The following CEP112 variants were observed in gnomAD, a reference collection of about 807,000 sequenced individuals.
The protein encoded by CEP112 is centrosomal protein 112.
A neutral mutation model predicts 153.0 loss-of-function variants in CEP112; 127 were observed. The ratio of observed to expected loss-of-function variants is 0.83; its 90% CI spans 0.72 to 0.96. The LOEUF is 0.96. CEP112 is among the 40% of genes least tolerant of loss of function. CEP112 has a pLI of 0.00. For synonymous variants in CEP112, 358 were observed against 374.4 expected, an observed-to-expected ratio of 0.96 and a Z score of 0.51; for missense variants, 1,089 against 1,101.2, an observed-to-expected ratio of 0.99 and a Z score of 0.16.
chr17:65,637,320 A>G, intron 25 of CEP112, 132 bp from the exon 26 acceptor site: 1 of 686,652 alleles, frequency 1.5e-6, no homozygotes, highest in South Asian at 1.8e-5. Flanking sequence ...TTGAATGTCA[A>G]TGTTGTGTTT....
chr17:65,874,567 T>G (rs1393369632), intron 20 of CEP112, among the ~76,000 whole-genome samples: 2 of 152,146 alleles, frequency 1.3e-5, no homozygotes, highest in Non-Finnish European at 2.9e-5. Flanking sequence ...ATTTTCTCTC[T>G]GAAATAATGT....
rs770426567 is a variant in CEP112, at chr17:65,786,838, C to T, written c.2395-36114G>A. ...TAGGCTCAAGTGATCCGCCTGCCTT[C>T]GTCTCCCTAAGTGCTGGGATTATAA... On this transcript the variant is annotated intron_variant, in intron 21 of 26. Transcript: ENST00000535342. Among the ~76,000 whole-genome samples the T allele has an allele frequency of 7.2e-5, 11 of 152,172 alleles. No individual in the cohort carries two copies. In the South Asian group the frequency reaches 1.0e-3, roughly 14 times the overall value.
chr17:65,645,032 T>TC (rs2045359034), intron 24 of CEP112, among the ~76,000 whole-genome samples: 1 of 151,974 alleles, frequency 6.6e-6, no homozygotes, highest in African/African-American at 2.4e-5. Context: ...CCTGAGACAT[T>TC]GTGTGCCCTT....
intron 24 of CEP112, among the ~76,000 whole-genome samples, chr17:65,667,069 G>A (rs1201120606): frequency 6.6e-6 from 1 of 152,206 alleles, no homozygotes; most frequent in African/African-American, 2.4e-5. Flanking sequence ...CAGGGAGGGT[G>A]GAGGAAATGA....
At chr17:65,786,292 A>AT (rs1236321475) in intron 21 of CEP112, among the ~76,000 whole-genome samples, 2 of 150,466 alleles carry the variant, frequency 1.3e-5, no homozygotes, top group East Asian at 3.9e-4. Context: ...GTAAACTCTT[A>AT]TTTTTCAAAC....
chr17:66,086,442 C>CT (rs2067938634), intron 8 of CEP112, among the ~76,000 whole-genome samples: 1 of 114,104 alleles, frequency 8.8e-6, no homozygotes, highest in Admixed American at 1.3e-4. Flanking sequence ...CTTGTGCTGT[C>CT]ACCCAGGCTG....
intron 8 of CEP112, among the ~76,000 whole-genome samples, chr17:66,085,154 TAA>T (rs1225076449): frequency 6.6e-6 from 1 of 152,192 alleles, no homozygotes; most frequent in Non-Finnish European, 1.5e-5. Context: ...AATGTTAACT[TAA>T]ATAGACATAA....
At chr17:65,817,562 T>G (rs1568060223) in intron 21 of CEP112, among the ~76,000 whole-genome samples, 1 of 151,928 alleles carries the variant, frequency 6.6e-6, no homozygotes, top group Admixed American at 6.6e-5. Flanking sequence ...CTGTCCTATT[T>G]ATTTCTAGCT....
At chr17:65,971,177 TGTACAGCAC>T (rs2062763760) in intron 17 of CEP112, among the ~76,000 whole-genome samples, 2 of 151,970 alleles carry the variant, frequency 1.3e-5, no homozygotes, top group East Asian at 3.9e-4. Flanking sequence ...GTACAGCACA[TGTACAGCAC>T]ATGCATATCA....
chr17:66,094,583 C>T (rs1350161735), intron 8 of CEP112, among the ~76,000 whole-genome samples: 2 of 151,954 alleles, frequency 1.3e-5, no homozygotes, highest in Non-Finnish European at 2.9e-5. Flanking sequence ...CATGACATTG[C>T]TCTGGGCAAT....
intron 17 of CEP112, among the ~76,000 whole-genome samples, chr17:65,976,110 C>A (rs1303941207): frequency 6.6e-6 from 1 of 152,248 alleles, no homozygotes; most frequent in East Asian, 1.9e-4. Flanking sequence ...AGTGTGAACA[C>A]AGTGTTCAGC....
chr17:65,841,643 A>G (rs567366612), intron 21 of CEP112, among the ~76,000 whole-genome samples: 5 of 152,222 alleles, frequency 3.3e-5, no homozygotes, highest in African/African-American at 1.2e-4. Context: ...CTAGAAAAAA[A>G]GATTTGAAAT....
At chr17:66,151,164 A>G (rs2071194796) in intron 4 of CEP112, among the ~76,000 whole-genome samples, 1 of 152,082 alleles carries the variant, frequency 6.6e-6, no homozygotes, top group Admixed American at 6.6e-5. Context: ...TTTGGCTTCC[A>G]GTGTTGAGTT....
chr17:65,933,757 T>TA (rs1172676123), intron 18 of CEP112, among the ~76,000 whole-genome samples: 3 of 152,134 alleles, frequency 2.0e-5, no homozygotes, highest in Non-Finnish European at 4.4e-5. Context: ...CATATGAAAG[T>TA]AAAAAACTCA....
At chr17:66,173,685 T>A (rs1038355797) in intron 4 of CEP112, among the ~76,000 whole-genome samples, 10 of 152,208 alleles carry the variant, frequency 6.6e-5, no homozygotes, top group African/African-American at 2.4e-4. Flanking sequence ...TATACCTCCA[T>A]ATAAAAAGAT....
intron 4 of CEP112, among the ~76,000 whole-genome samples, chr17:66,174,129 C>T (rs1598493970): frequency 6.6e-6 from 1 of 152,002 alleles, no homozygotes; most frequent in East Asian, 1.9e-4. Context: ...GGGGTTTCAC[C>T]ATGTTAGCCA....
At chr17:65,749,749 G>A (rs2051700908) in intron 22 of CEP112, among the ~76,000 whole-genome samples, 1 of 63,814 alleles carries the variant, frequency 1.6e-5, no homozygotes. Flanking sequence ...AACATGGTTA[G>A]TGCCCCATGA....
chr17:65,857,154 T>C (rs1234370269), intron 20 of CEP112, among the ~76,000 whole-genome samples: 5 of 152,204 alleles, frequency 3.3e-5, no homozygotes, highest in African/African-American at 1.2e-4. Context: ...TTTCTGTTTC[T>C]GGTTGGGCCA....
At chr17:66,182,762 C>G (rs1276880193) in intron 2 of CEP112, among the ~76,000 whole-genome samples, 2 of 152,148 alleles carry the variant, frequency 1.3e-5, no homozygotes, top group African/African-American at 4.8e-5. Flanking sequence ...GTTCTGCCAA[C>G]AAATAAGCAT....
Sources: allele counts gnomAD v4.1 joint callset (sites outside exome capture counted in the v4.1 genomes callset), GRCh38; gene constraint gnomAD v4.1.1; transcripts MANE v1.5; gene names NCBI Gene and HGNC (gene_info 2026-07-23, HGNC 2026-07-21).